Variants in BBS9 observed in about 807,000 individuals in gnomAD.
BBS9 encodes protein PTHB1.
Under a neutral mutation model 117.7 loss-of-function variants are expected in BBS9, and 89 were observed. The observed-to-expected ratio is 0.76, with a 90% CI of 0.64 to 0.90. BBS9 has a LOEUF of 0.90. Ranked by LOEUF, BBS9 falls within the 40% of genes least tolerant of loss-of-function variation. The probability of loss-of-function intolerance (pLI) is 0.00; values close to 1 mark genes in which losing one functional copy is unlikely to be tolerated. For missense variants in BBS9, 982 were observed against 1,042.2 expected (o/e 0.94, Z 0.80); for synonymous variants, 379 against 370.9 (o/e 1.02, Z -0.25).
At position 33,155,675 on chromosome 7, in the gene BBS9, A is replaced by G. The variant is rs1212458053; in HGVS notation, c.301A>G (p.Arg101Gly). The part of the protein sequence containing the change: ...EMLHLAVLHS[R>G]KLCVYSVSGT... Reference sequence around the variant, plus strand: ...GCTACATTTGGCTGTGTTACATTCTAGAAAACTTTGTGTCTACTCTGTCTC... The same window carrying G: ...GCTACATTTGGCTGTGTTACATTCTGGAAAACTTTGTGTCTACTCTGTCTC... Residue 101 changes from arginine to glycine, a missense_variant, in exon 4 of 23, where the codon AGA becomes GGA. Transcript: ENST00000242067. 1.9e-6 allele frequency: 3 copies of G among 1,564,182 alleles called. No individual in the cohort carries two copies. The African/African-American group carries it at 4.4e-5, about 23-fold the overall frequency.
chr7:33,411,180 T>C lies in BBS9; in HGVS notation c.2115+23036T>C, dbSNP rs535568105. ...GTCTAATGTTAATTGGAATGTTGGTTTTCAGTTGCAGATGCCAAATCTTCA... is the reference window on the plus strand; with the variant it reads ...GTCTAATGTTAATTGGAATGTTGGTCTTCAGTTGCAGATGCCAAATCTTCA... On this transcript the variant is annotated intron_variant, in intron 19 of 22. Transcript: ENST00000242067. Among the ~76,000 whole-genome samples, 28 of 152,236 alleles carry C rather than the reference T, an allele frequency of 1.8e-4. No homozygotes were observed. The East Asian group carries it at 5.2e-3, about 28-fold the overall frequency.
chr7:33,306,630 A>G (rs1808051615), intron 9 of BBS9, among the ~76,000 whole-genome samples: 1 of 152,116 alleles, frequency 6.6e-6, no homozygotes, highest in Non-Finnish European at 1.5e-5. Context: ...TATCTGAAGC[A>G]TTTTGGTTTC....
chr7:33,475,021 C>T (rs1841606225), intron 19 of BBS9, among the ~76,000 whole-genome samples: 1 of 152,200 alleles, frequency 6.6e-6, no homozygotes, highest in Non-Finnish European at 1.5e-5. Flanking sequence ...TCCTATTGAT[C>T]CTAATAGTCT....
chr7:33,540,941 T>C (rs1216314487), intron 21 of BBS9, among the ~76,000 whole-genome samples: 1 of 152,222 alleles, frequency 6.6e-6, no homozygotes, highest in African/African-American at 2.4e-5. Flanking sequence ...TTGCTTATAA[T>C]CCATTTTACT....
At chr7:33,163,940 T>C (rs1177679921) in intron 4 of BBS9, among the ~76,000 whole-genome samples, 1 of 152,218 alleles carries the variant, frequency 6.6e-6, no homozygotes, top group African/African-American at 2.4e-5. Flanking sequence ...CTATTTTAGA[T>C]CTTTCCTGCT....
At chr7:33,188,729 T>C (rs903961444) in intron 5 of BBS9, among the ~76,000 whole-genome samples, 1 of 152,104 alleles carries the variant, frequency 6.6e-6, no homozygotes, top group African/African-American at 2.4e-5. Flanking sequence ...AAGTCATTGG[T>C]GATTTTAGGG....
At chr7:33,142,213 G>A (rs1041690316) in intron 1 of BBS9, among the ~76,000 whole-genome samples, 4 of 152,136 alleles carry the variant, frequency 2.6e-5, no homozygotes, top group African/African-American at 7.2e-5. Flanking sequence ...GAGCCACCGC[G>A]CCTGGCCTAA....
downstream of BBS9, among the ~76,000 whole-genome samples, chr7:33,608,752 A>T (rs1487200315): frequency 6.6e-6 from 1 of 151,988 alleles, no homozygotes; most frequent in Admixed American, 6.6e-5. Flanking sequence ...TAGATTGTGG[A>T]TATTAGACCT....
chr7:33,207,309 G>A (rs1057174143), intron 5 of BBS9, among the ~76,000 whole-genome samples: 3 of 152,068 alleles, frequency 2.0e-5, no homozygotes, highest in Non-Finnish European at 2.9e-5. Flanking sequence ...TTCCAAATTG[G>A]CACTTCCTTC....
intron 5 of BBS9, among the ~76,000 whole-genome samples, chr7:33,178,649 T>C (rs1797674273): frequency 1.3e-5 from 2 of 152,340 alleles, no homozygotes; most frequent in Middle Eastern, 3.4e-3. Flanking sequence ...ACTAGGGATT[T>C]TATAATATCT....
At chr7:33,633,513 T>TC (rs35672254) in intron 21 of BBS9, among the ~76,000 whole-genome samples, 44,649 of 143,134 alleles carry the variant, frequency 0.31, 7,875 homozygotes, top group East Asian at 0.81. Flanking sequence ...CTTTTTTCTT[T>TC]TTTTTTTTTT....
chr7:33,322,352 C>G (rs1245384595), intron 9 of BBS9, among the ~76,000 whole-genome samples: 2 of 121,486 alleles, frequency 1.6e-5, no homozygotes, highest in Non-Finnish European at 3.3e-5. Flanking sequence ...CACTGGGTCT[C>G]AGGCTTTTTT....
intron 21 of BBS9, among the ~76,000 whole-genome samples, chr7:33,591,548 G>C (rs1861920910): frequency 1.3e-5 from 2 of 151,940 alleles, no homozygotes; most frequent in African/African-American, 4.8e-5. Context: ...TATTCACTGG[G>C]AGAATTAAAG....
chr7:33,384,048 A>T (rs1393542413), intron 18 of BBS9, among the ~76,000 whole-genome samples: 1 of 152,176 alleles, frequency 6.6e-6, no homozygotes, highest in Non-Finnish European at 1.5e-5. Flanking sequence ...CCTGGAGCTA[A>T]CCATGTCGTC....
At chr7:33,289,808 C>T (rs1310737570) in intron 9 of BBS9, among the ~76,000 whole-genome samples, 1 of 152,050 alleles carries the variant, frequency 6.6e-6, no homozygotes, top group Non-Finnish European at 1.5e-5. Flanking sequence ...CTTTGGGAGG[C>T]CAAGGTGGGC....
chr7:33,632,601 T>C (rs1865945344), intron 21 of BBS9, among the ~76,000 whole-genome samples: 1 of 152,128 alleles, frequency 6.6e-6, no homozygotes, highest in Admixed American at 6.5e-5. Flanking sequence ...TGTCCCAGAA[T>C]GACCCATTCG....
At chr7:33,531,201 C>T (rs1161133931) in intron 20 of BBS9, among the ~76,000 whole-genome samples, 3 of 152,174 alleles carry the variant, frequency 2.0e-5, no homozygotes, top group Non-Finnish European at 1.5e-5. Flanking sequence ...GCTGAGATCA[C>T]GCCATTGCAC....
Position 33,527,341 on chromosome 7 carries a change from C to T in BBS9, c.2299-6613C>T, listed in dbSNP as rs1563307689. ...CCTGGGCAATGGTGGGCGCCCCTCC[C>T]CCAGCCTCGCTGCCGCCTTGCAGTG... On this transcript the variant is annotated intron_variant, in intron 20 of 22. Transcript: ENST00000242067. 2.0e-5 allele frequency among the ~76,000 whole-genome samples: 3 copies of T among 152,238 alleles called. No individual in the cohort carries two copies. The South Asian group carries it at 6.2e-4, about 32-fold the overall frequency.
intron 21 of BBS9, among the ~76,000 whole-genome samples, chr7:33,538,751 A>G (rs1851834290): frequency 6.6e-6 from 1 of 150,406 alleles, no homozygotes; most frequent in South Asian, 2.1e-4. Context: ...CCTACAGAGA[A>G]TACAATACTT....
Sources: allele counts gnomAD v4.1 joint callset (sites outside exome capture counted in the v4.1 genomes callset), GRCh38; gene constraint gnomAD v4.1.1; transcripts MANE v1.5; gene names NCBI Gene and HGNC (gene_info 2026-07-23, HGNC 2026-07-21).